Variants in CCDC57 observed in about 807,000 individuals in gnomAD.
The protein encoded by CCDC57 is coiled-coil domain containing 57, also known as coiled-coil domain-containing protein 57.
Under a neutral mutation model 118.9 loss-of-function variants are expected in CCDC57, and 118 were observed. The ratio of observed to expected loss-of-function variants is 0.99; its 90% CI spans 0.86 to 1.16. The LOEUF is 1.16. CCDC57 is among the 50% of genes most tolerant of loss of function. The pLI is 0.00. For missense variants in CCDC57, 1,300 were observed against 1,320.7 expected, an observed-to-expected ratio of 0.98 and a Z score of 0.24; for synonymous variants, 527 against 532.9, an observed-to-expected ratio of 0.99 and a Z score of 0.15.
intron 16 of CCDC57, among the ~76,000 whole-genome samples, chr17:82,145,124 G>C (rs1345290918): frequency 6.7e-6 from 1 of 149,598 alleles, no homozygotes; most frequent in Non-Finnish European, 1.5e-5. Context: ...TCGGGTTCGA[G>C]ATTCTCCTGC....
chr17:82,168,490 T>G (rs779413772), intron 13 of CCDC57, among the ~76,000 whole-genome samples: 1 of 152,126 alleles, frequency 6.6e-6, no homozygotes, highest in Non-Finnish European at 1.5e-5. Context: ...CCTAGCTACT[T>G]TGGAGGCTGA....
intron 16 of CCDC57, among the ~76,000 whole-genome samples, chr17:82,138,081 C>G (rs2039472849): frequency 1.3e-5 from 2 of 150,574 alleles, no homozygotes; most frequent in African/African-American, 4.9e-5. Context: ...TAATTAGGTA[C>G]AAGGTGGGGT....
intron 16 of CCDC57, among the ~76,000 whole-genome samples, chr17:82,148,554 T>A (rs371957681): frequency 4.0e-5 from 3 of 74,304 alleles, no homozygotes; most frequent in African/African-American, 5.3e-5. Context: ...GATGGATGGA[T>A]GGATAGATAG....
intron 19 of CCDC57, among the ~76,000 whole-genome samples, chr17:82,102,698 CA>C (rs1435162744): frequency 1.3e-5 from 2 of 151,914 alleles, no homozygotes; most frequent in African/African-American, 4.8e-5. Context: ...GCCTGGCCAA[CA>C]ATGGTGAAAC....
intron 11 of CCDC57, among the ~76,000 whole-genome samples, chr17:82,173,258 T>G (rs936562386): frequency 1.3e-5 from 2 of 152,156 alleles, no homozygotes; most frequent in African/African-American, 4.8e-5. Flanking sequence ...TGCTGAACTG[T>G]GTGCACCAAA....
intron 19 of CCDC57, among the ~76,000 whole-genome samples, chr17:82,102,257 C>T (rs2034501329): frequency 1.3e-5 from 2 of 152,330 alleles, no homozygotes; most frequent in East Asian, 1.9e-4. Context: ...CTCCTCCCCC[C>T]AGGCTGCCCC....
chr17:82,132,122 A>AC (rs1568201886), intron 17 of CCDC57, among the ~76,000 whole-genome samples: 6 of 44,790 alleles, frequency 1.3e-4, no homozygotes, highest in African/African-American at 3.9e-4. Flanking sequence ...CTGTCTCAAA[A>AC]AAAAAAAAAA....
chr17:82,151,837 G>A lies in CCDC57; in HGVS notation c.2242-64C>T, dbSNP rs1490028858. On this transcript the variant is annotated intron_variant, in intron 15 of 19. Transcript: ENST00000665763. The stretch of plus-strand genomic sequence containing the variant: ...GCCCTCATGGGAGGACGCCAGGGGT[G>A]CCCACCCAAGGAGCCTCTTCACCTG... 2.0e-5 allele frequency: 29 copies of A among 1,418,874 alleles called. 1 individual carries two copies. The highest frequency in any genetic ancestry group is 2.5e-4 in the Middle Eastern group (1 of 4,058). The allele number at this position is 1,418,874 out of a possible 1,614,324, so 87.9% of individuals were successfully genotyped here. A position where few individuals can be genotyped will look rare whatever the true frequency, so the allele number is the denominator to read the frequency against.
intron 14 of CCDC57, among the ~76,000 whole-genome samples, chr17:82,159,685 T>G (rs985825275): frequency 1.3e-5 from 2 of 151,932 alleles, no homozygotes; most frequent in Admixed American, 1.3e-4. Flanking sequence ...TTTTTTTTTT[T>G]TTTTGAGACG....
chr17:82,188,439 C>T lies in CCDC57; in HGVS notation c.852-20G>A. On this transcript the variant is annotated intron_variant, in intron 7 of 19. Transcript: ENST00000665763. ...TCATGCCTGAAACACAGTGAGTGTC[C>T]CATGGCGCTCACCCAGCCCCCAACA... 1.2e-6 allele frequency: 2 copies of T among 1,600,016 alleles called. No individual in the cohort carries two copies. The highest frequency in any genetic ancestry group is 1.7e-6 in the Non-Finnish European group (2 of 1,174,236).
At chr17:82,190,434 C>T (rs924404102) in intron 7 of CCDC57, among the ~76,000 whole-genome samples, 3 of 151,926 alleles carry the variant, frequency 2.0e-5, no homozygotes, top group African/African-American at 7.3e-5. Flanking sequence ...TGGTGCTCAC[C>T]CCTGTAATCG....
At chr17:82,154,677 G>T (rs2042464781) in intron 15 of CCDC57, 1 of 151,756 alleles carries the variant, frequency 6.6e-6, no homozygotes, top group Non-Finnish European at 1.5e-5. Flanking sequence ...TCCTGTGCAG[G>T]GTCCAGGGTC....
chr17:82,124,106 G>C (rs1456090284), intron 19 of CCDC57, among the ~76,000 whole-genome samples: 3 of 152,142 alleles, frequency 2.0e-5, no homozygotes, highest in African/African-American at 7.2e-5. Flanking sequence ...AACTCGGCAA[G>C]GGCTGTGTCA....
intron 19 of CCDC57, among the ~76,000 whole-genome samples, chr17:82,103,180 C>T (rs766784421): frequency 1.2e-4 from 19 of 152,240 alleles, no homozygotes; most frequent in African/African-American, 2.9e-4. Context: ...GGGGCAGCCA[C>T]ACACTCCCAG....
At chr17:82,127,092 G>A (rs1390239138) in intron 19 of CCDC57, 1 of 985,340 alleles carries the variant, frequency 1.0e-6, no homozygotes, top group Non-Finnish European at 1.2e-6. Flanking sequence ...CCTGAGACCA[G>A]TAGCAGGAGC....
At chr17:82,199,296 G>A (rs560436037) in intron 3 of CCDC57, among the ~76,000 whole-genome samples, 1 of 151,748 alleles carries the variant, frequency 6.6e-6, no homozygotes, top group South Asian at 2.1e-4. Flanking sequence ...TGGCCAACAT[G>A]GTGAAACCCC....
In CCDC57 at chr17:82,183,877, G is replaced by A. The variant is rs375889554; in HGVS notation, c.1108C>T (p.Leu370=). The change falls in exon 9 of 20, where the codon CTA becomes TTA. Residue 370 remains leucine, a synonymous_variant. Transcript: ENST00000665763. ...TCTCTGGAGACCATCTCCTTAGATA[G>A]TTGAGCAATTTGAGCATCCCAGGCA... 1.9e-6 allele frequency: 3 copies of A among 1,613,616 alleles called. No homozygotes were observed. In the African/African-American group the frequency reaches 4.0e-5, roughly 22 times the overall value.
chr17:82,185,999 G>A (rs539164390), intron 8 of CCDC57, among the ~76,000 whole-genome samples: 1 of 152,202 alleles, frequency 6.6e-6, no homozygotes, highest in African/African-American at 2.4e-5. Flanking sequence ...CACCGTACCT[G>A]TCTAACTTTT....
chr17:82,170,882 C>T (rs1177115987), intron 13 of CCDC57, among the ~76,000 whole-genome samples: 1 of 152,190 alleles, frequency 6.6e-6, no homozygotes, highest in African/African-American at 2.4e-5. Context: ...AGCCGCTGAC[C>T]ACGTAAGTGT....
Sources: allele counts gnomAD v4.1 joint callset (sites outside exome capture counted in the v4.1 genomes callset), GRCh38; gene constraint gnomAD v4.1.1; transcripts MANE v1.5; gene names NCBI Gene and HGNC (gene_info 2026-07-23, HGNC 2026-07-21).